PTPRN2: variants seen among roughly 807,000 people sequenced by gnomAD.
The protein encoded by PTPRN2 is receptor-type tyrosine-protein phosphatase N2.
A neutral mutation model predicts 118.8 loss-of-function variants in PTPRN2; 74 were observed. The observed-to-expected ratio is 0.62, with a 90% CI of 0.52 to 0.76. The LOEUF is 0.76. Ranked by LOEUF, PTPRN2 falls within the 30% of genes least tolerant of loss-of-function variation. PTPRN2 has a pLI of 0.00. For missense variants in PTPRN2, 1,481 were observed against 1,394.4 expected (o/e 1.06, Z -0.99); for synonymous variants, 641 against 608.0 (o/e 1.05, Z -0.80).
intron 10 of PTPRN2, among the ~76,000 whole-genome samples, chr7:158,107,717 C>A (rs1398520855): frequency 6.6e-6 from 1 of 152,194 alleles, no homozygotes; most frequent in Non-Finnish European, 1.5e-5. Flanking sequence ...GCAGAAGTCA[C>A]CCAGTGGCCA....
chr7:158,104,288 A>G (rs970353184), intron 10 of PTPRN2, among the ~76,000 whole-genome samples: 1 of 152,236 alleles, frequency 6.6e-6, no homozygotes, highest in Non-Finnish European at 1.5e-5. Flanking sequence ...CAGGATGAAG[A>G]CAATGGAGGT....
intron 9 of PTPRN2, among the ~76,000 whole-genome samples, chr7:158,112,322 G>C (rs539091750): frequency 6.6e-6 from 1 of 152,332 alleles, no homozygotes; most frequent in South Asian, 2.1e-4. Context: ...GGCCCCGTTT[G>C]AACAGAGGTG....
At chr7:157,748,261 T>C (rs1423017531) in intron 12 of PTPRN2, among the ~76,000 whole-genome samples, 2 of 149,028 alleles carry the variant, frequency 1.3e-5, no homozygotes, top group African/African-American at 5.0e-5. Flanking sequence ...GCCCGGGTGA[T>C]TCTGAGGCCT....
At chr7:157,934,745 T>G (rs1799598386) in intron 11 of PTPRN2, among the ~76,000 whole-genome samples, 1 of 152,190 alleles carries the variant, frequency 6.6e-6, no homozygotes, top group Non-Finnish European at 1.5e-5. Context: ...CTGCTGCCAT[T>G]TCTTGGGTTC....
chr7:158,359,812 G>C (rs1048876700), intron 2 of PTPRN2, among the ~76,000 whole-genome samples: 2 of 152,188 alleles, frequency 1.3e-5, no homozygotes, highest in Non-Finnish European at 2.9e-5. Flanking sequence ...CCAGATGCCT[G>C]AAGAAGGCAT....
intron 12 of PTPRN2, among the ~76,000 whole-genome samples, chr7:157,846,640 T>G (rs1252692680): frequency 2.0e-5 from 3 of 152,188 alleles, no homozygotes; most frequent in Admixed American, 6.5e-5. Flanking sequence ...GTGTGTCTGA[T>G]GTTTACAGAG....
intron 20 of PTPRN2, among the ~76,000 whole-genome samples, chr7:157,569,416 C>T (rs973890048): frequency 3.3e-5 from 5 of 152,230 alleles, no homozygotes; most frequent in African/African-American, 7.2e-5. Flanking sequence ...GGCTCATGCA[C>T]GCAGGGACAC....
At chr7:158,189,285 G>A (rs6459851) in intron 5 of PTPRN2, among the ~76,000 whole-genome samples, 144,452 of 152,330 alleles carry the variant, frequency 0.95, 68,570 homozygotes, top group African/African-American at 0.98. Context: ...TTGTCCCACA[G>A]GCAAATTCCA....
chr7:158,355,318 T>C (rs1411523857), intron 2 of PTPRN2, among the ~76,000 whole-genome samples: 1 of 152,192 alleles, frequency 6.6e-6, no homozygotes, highest in Non-Finnish European at 1.5e-5. Flanking sequence ...TTGAGACCAA[T>C]GAATTCGGTA....
rs532161712 is a variant in PTPRN2, at chr7:157,611,603, C to G, written c.2345-7528G>C. ...GAAATAGGGTCTTTACAGAGGTAAG[C>G]GAGCGGAGGGCATTTGGGCGGCCCT... On this transcript the variant is annotated intron_variant, in intron 15 of 22. Coordinates refer to ENST00000389418, the MANE Select transcript of PTPRN2 (RefSeq NM_002847.5). The surrounding 1 kb of genome is among the most constrained non-coding windows in gnomAD (Gnocchi z 5.9). Among the ~76,000 whole-genome samples the G allele has an allele frequency of 1.3e-5, 2 of 152,136 alleles. No individual in the cohort carries two copies. Among genetic ancestry groups the G allele is most frequent in the African/African-American group, 4.8e-5 (2 of 41,422 alleles).
Position 158,205,879 on chromosome 7 carries a change from T to C in PTPRN2, c.278-606A>G, listed in dbSNP as rs980632723. On this transcript the variant is annotated intron_variant, in intron 3 of 22. Transcript: ENST00000389418. ...CAACCAGAGCCCATGGAGGGAATATTTAGACCAGCCCTAGACAGAGCAGTA... is the reference window on the plus strand; with the variant it reads ...CAACCAGAGCCCATGGAGGGAATATCTAGACCAGCCCTAGACAGAGCAGTA... 2.6e-5 allele frequency among the ~76,000 whole-genome samples: 4 copies of C among 152,230 alleles called. No individual in the cohort carries two copies. The East Asian group carries it at 7.8e-4, about 30-fold the overall frequency.
rs147680437 is a variant in PTPRN2 at position 158,156,950 on chromosome 7, C to G, written c.910+9981G>C. Among the ~76,000 whole-genome samples the G allele has an allele frequency of 7.8e-3, 1,184 of 151,790 alleles. 20 individuals are homozygous for G. Among genetic ancestry groups the G allele is most frequent in the African/African-American group, 0.027 (1,103 of 41,362 alleles). ...TTGTGCTAACACAGCGGACAGCACC[C>G]CTGTACCATGTGGCTCTGGAAGGCC... On this transcript the variant is annotated intron_variant, in intron 6 of 22. Coordinates refer to ENST00000389418, the MANE Select transcript of PTPRN2 (RefSeq NM_002847.5).
chr7:158,418,936 A>G (rs1386144122), intron 2 of PTPRN2, among the ~76,000 whole-genome samples: 3 of 152,258 alleles, frequency 2.0e-5, no homozygotes, highest in Admixed American at 2.0e-4. Flanking sequence ...ATTTCCATAC[A>G]CACTTAGATT....
At chr7:157,898,434 T>C (rs1419349738) in intron 12 of PTPRN2, among the ~76,000 whole-genome samples, 1 of 152,232 alleles carries the variant, frequency 6.6e-6, no homozygotes, top group African/African-American at 2.4e-5. Flanking sequence ...ATGCTTTTTC[T>C]TGTGGGGATA....
chr7:158,189,310 CTT>C (rs1825571965), intron 5 of PTPRN2, among the ~76,000 whole-genome samples: 1 of 152,230 alleles, frequency 6.6e-6, no homozygotes, highest in Non-Finnish European at 1.5e-5. Flanking sequence ...AACTCTGACT[CTT>C]TTATTTTAGT....
chr7:157,638,924 G>A (rs1371066552), intron 14 of PTPRN2, among the ~76,000 whole-genome samples: 1 of 152,226 alleles, frequency 6.6e-6, no homozygotes. Flanking sequence ...TGGACACAGC[G>A]ATCCCTTTGA....
At chr7:158,319,382 A>ACACACACAGCCTCC (rs1802617206) in intron 2 of PTPRN2, among the ~76,000 whole-genome samples, 13 of 141,674 alleles carry the variant, frequency 9.2e-5, no homozygotes, top group African/African-American at 3.1e-4. Context: ...ACACATGCAC[A>ACACACACAGCCTCC]CACACACACA....
At chr7:158,041,671 AAAAAG>A (rs965260543) in intron 11 of PTPRN2, among the ~76,000 whole-genome samples, 3 of 152,200 alleles carry the variant, frequency 2.0e-5, no homozygotes, top group African/African-American at 4.8e-5. Context: ...GAGAGAAAAC[AAAAAG>A]AAAAGAAAAG....
chr7:158,445,155 G>T (rs1352851795), intron 2 of PTPRN2, among the ~76,000 whole-genome samples: 1 of 152,226 alleles, frequency 6.6e-6, no homozygotes, highest in East Asian at 1.9e-4. Flanking sequence ...TGTCTCCAGA[G>T]GGGGCAGGCC....
Sources: gnomAD v4.1 joint callset for allele counts (sites outside exome capture counted in the v4.1 genomes callset) on GRCh38, gnomAD v4.1.1 for gene constraint, Gnocchi (gnomAD v3.1) non-coding constraint, MANE v1.5 for transcripts, NCBI Gene and HGNC (gene_info 2026-07-23, HGNC 2026-07-21) for gene names.